NBEA: variants seen among roughly 807,000 people sequenced by gnomAD.
NBEA encodes neurobeachin, also known as lysosomal-trafficking regulator 2.
NBEA carries 44 observed loss-of-function variants against 343.4 expected under a neutral mutation model. That is an observed-to-expected ratio of 0.13 (90% CI 0.10 to 0.16). The LOEUF (loss-of-function observed/expected upper bound fraction) is 0.16, where lower values mean the gene tolerates loss of function less well. Ranked by LOEUF, NBEA falls within the 10% of genes least tolerant of loss-of-function variation. NBEA has a pLI of 1.00. For missense variants in NBEA, 2,555 were observed against 3,631.3 expected (o/e 0.70, Z 7.62); for synonymous variants, 1,175 against 1,238.7 (o/e 0.95, Z 1.08).
intron 8 of NBEA, among the ~76,000 whole-genome samples, chr13:35,060,470 C>T (rs1274155686): frequency 1.3e-5 from 2 of 151,670 alleles, no homozygotes; most frequent in Admixed American, 6.6e-5. Flanking sequence ...ATAGTGTATC[C>T]TTAGTATCCT....
Position 34,988,437 on chromosome 13 carries a change from T to C in NBEA, c.294+45323T>C, listed in dbSNP as rs538534246. The stretch of plus-strand genomic sequence containing the variant: ...AGAGGTAGCCGGCCTTGCTGAGCTG[T>C]GGTGGGGTCCACCCAGTTCGAGCTT... On this transcript the variant is annotated intron_variant, in intron 1 of 58. Transcript: ENST00000379939. 2.4e-4 allele frequency among the ~76,000 whole-genome samples: 37 copies of C among 151,394 alleles called. 3 individuals carry two copies. The Middle Eastern group carries it at 0.01, about 42-fold the overall frequency.
At chr13:35,059,472 A>G (rs2063384130) in intron 8 of NBEA, among the ~76,000 whole-genome samples, 1 of 151,910 alleles carries the variant, frequency 6.6e-6, no homozygotes, top group African/African-American at 2.4e-5. Flanking sequence ...TGTGTAGTAC[A>G]TCTGGCTAGG....
At chr13:35,640,084 A>T (rs867448082) in intron 49 of NBEA, among the ~76,000 whole-genome samples, 5 of 152,144 alleles carry the variant, frequency 3.3e-5, no homozygotes, top group South Asian at 2.1e-4. Flanking sequence ...CAGAGAAGGT[A>T]TGGCTTCTGA....
chr13:35,191,363 A>T (rs1198480097), intron 30 of NBEA, among the ~76,000 whole-genome samples: 3 of 152,150 alleles, frequency 2.0e-5, no homozygotes, highest in Admixed American at 1.3e-4. Context: ...TAGTCAAAAC[A>T]TCAATTAGAA....
chr13:35,547,159 C>T lies in NBEA; in HGVS notation c.6586-3318C>T, dbSNP rs1007121878. ...TTTTTGAAAAGCATATAAGAACATA[C>T]ATAAAAATAATTTTTCTTCCCATGT... On this transcript the variant is annotated intron_variant, in intron 41 of 58. Transcript: ENST00000379939. 5.9e-5 allele frequency among the ~76,000 whole-genome samples: 9 copies of T among 152,270 alleles called. No individual in the cohort carries two copies. In the East Asian group the frequency reaches 1.5e-3, roughly 26 times the overall value.
chr13:35,138,598 T>G (rs968748839), intron 17 of NBEA, among the ~76,000 whole-genome samples: 1 of 152,000 alleles, frequency 6.6e-6, no homozygotes, highest in Non-Finnish European at 1.5e-5. Context: ...TAGCTGGGAT[T>G]ACAGGCGCCT....
chr13:35,404,725 C>T (rs2043182725), intron 38 of NBEA, among the ~76,000 whole-genome samples: 2 of 150,656 alleles, frequency 1.3e-5, no homozygotes, highest in South Asian at 4.2e-4. Flanking sequence ...GCACATTGTG[C>T]ACATGTACCC....
chr13:35,010,769 T>TATATATACACATATAC (rs1555275095), intron 1 of NBEA, among the ~76,000 whole-genome samples: 22 of 102,588 alleles, frequency 2.1e-4, no homozygotes, highest in African/African-American at 8.9e-4. Flanking sequence ...TATATATATA[T>TATATATACACATATAC]ATATATATAT....
chr13:35,321,974 C>T (rs1002822366), intron 36 of NBEA, among the ~76,000 whole-genome samples: 1 of 152,174 alleles, frequency 6.6e-6, no homozygotes, highest in Admixed American at 6.5e-5. Flanking sequence ...CCCAGGTTGA[C>T]TTCAGACTGC....
intron 38 of NBEA, among the ~76,000 whole-genome samples, chr13:35,391,299 G>C (rs1481903524): frequency 6.6e-6 from 1 of 151,040 alleles, no homozygotes; most frequent in East Asian, 1.9e-4. Flanking sequence ...AGAAGAAGAA[G>C]AAGAGGGCCA....
chr13:35,596,303 T>A (rs542840890), intron 47 of NBEA, among the ~76,000 whole-genome samples: 1 of 152,266 alleles, frequency 6.6e-6, no homozygotes, highest in East Asian at 1.9e-4. Flanking sequence ...CTACGAGTAG[T>A]AATTGTTTTG....
At chr13:35,024,892 C>T (rs539898548) in intron 1 of NBEA, among the ~76,000 whole-genome samples, 1 of 152,000 alleles carries the variant, frequency 6.6e-6, no homozygotes, top group South Asian at 2.1e-4. Flanking sequence ...GAGATCTTAC[C>T]TCATTGTGAT....
chr13:35,421,503 A>G (rs1167350379), intron 38 of NBEA, among the ~76,000 whole-genome samples: 1 of 152,070 alleles, frequency 6.6e-6, no homozygotes, highest in Non-Finnish European at 1.5e-5. Flanking sequence ...TATTACCAGT[A>G]AATATACTTA....
intron 30 of NBEA, among the ~76,000 whole-genome samples, chr13:35,188,478 A>G (rs1414108069): frequency 6.6e-6 from 1 of 152,174 alleles, no homozygotes; most frequent in African/African-American, 2.4e-5. Context: ...CTATATAAGT[A>G]AAATTATACC....
intron 34 of NBEA, among the ~76,000 whole-genome samples, chr13:35,236,716 A>G (rs2075254623): frequency 6.6e-6 from 1 of 151,074 alleles, no homozygotes; most frequent in South Asian, 2.1e-4. Flanking sequence ...TCGGCCTCCC[A>G]GAGTGCTGGG....
At chr13:35,534,315 C>T (rs1169373113) in intron 41 of NBEA, among the ~76,000 whole-genome samples, 2 of 152,170 alleles carry the variant, frequency 1.3e-5, no homozygotes, top group African/African-American at 4.8e-5. Flanking sequence ...GTTCTTCCTT[C>T]CCTCTTCCTA....
chr13:35,267,624 C>G (rs2033791829), intron 34 of NBEA, among the ~76,000 whole-genome samples: 2 of 150,980 alleles, frequency 1.3e-5, no homozygotes, highest in African/African-American at 4.9e-5. Flanking sequence ...GATTTATATC[C>G]AGAATATATA....
At chr13:35,467,325 A>T (rs1167818595) in intron 40 of NBEA, among the ~76,000 whole-genome samples, 1 of 152,096 alleles carries the variant, frequency 6.6e-6, no homozygotes, top group Non-Finnish European at 1.5e-5. Flanking sequence ...TACAAAAATT[A>T]GCTGGGCATG....
At chr13:35,171,548 A>G in intron 26 of NBEA, 96 bp downstream of exon 26, 1 of 942,632 alleles carries the variant, frequency 1.1e-6, no homozygotes. Context: ...ATATAAGTTG[A>G]TGATTATATA....
Sources: gnomAD v4.1 joint callset for allele counts (sites outside exome capture counted in the v4.1 genomes callset) on GRCh38, gnomAD v4.1.1 for gene constraint, MANE v1.5 for transcripts, NCBI Gene and HGNC (gene_info 2026-07-23, HGNC 2026-07-21) for gene names.